The following PRKACB variants were observed in gnomAD, a reference collection of about 807,000 sequenced individuals.
PRKACB encodes cAMP-dependent protein kinase catalytic subunit beta.
PRKACB carries 16 observed loss-of-function variants against 51.4 expected under a neutral mutation model. That is an observed-to-expected ratio of 0.31 (90% CI 0.21 to 0.47). The LOEUF is 0.47. Among genes scored for constraint, PRKACB ranks in the 20% least tolerant of loss-of-function variants. The pLI is 1.00. For synonymous variants in PRKACB, 147 were observed against 154.4 expected, an observed-to-expected ratio of 0.95 and a Z score of 0.35; for missense variants, 309 against 464.5, an observed-to-expected ratio of 0.67 and a Z score of 3.08.
chr1:84,196,177 A>C (rs1668188702), intron 5 of PRKACB, among the ~76,000 whole-genome samples: 1 of 152,202 alleles, frequency 6.6e-6, no homozygotes, highest in African/African-American at 2.4e-5. Flanking sequence ...AATGCAGCTA[A>C]AGAGCTTCTA....
chr1:84,127,892 TTAAAG>T (rs1158946970), intron 1 of PRKACB, among the ~76,000 whole-genome samples: 4 of 152,174 alleles, frequency 2.6e-5, no homozygotes, highest in Admixed American at 2.0e-4. Context: ...AATTTTTTGT[TTAAAG>T]TAAGCCAATT....
intron 1 of PRKACB, among the ~76,000 whole-genome samples, chr1:84,156,023 A>T (rs143000582): frequency 6.6e-6 from 1 of 152,000 alleles, no homozygotes; most frequent in Non-Finnish European, 1.5e-5. Flanking sequence ...GGGTCTTGCT[A>T]TGTTGCCCAG....
chr1:84,210,871 T>C (rs918961678), intron 8 of PRKACB, among the ~76,000 whole-genome samples: 1 of 152,162 alleles, frequency 6.6e-6, no homozygotes, highest in Non-Finnish European at 1.5e-5. Context: ...ACAAGGAAAT[T>C]ACATTTCAGG....
At chr1:84,190,540 C>A (rs181866539) in intron 5 of PRKACB, among the ~76,000 whole-genome samples, 12 of 151,640 alleles carry the variant, frequency 7.9e-5, no homozygotes, top group Admixed American at 7.9e-4. Flanking sequence ...TCAGAAGATA[C>A]ACGTTTATTA....
intron 9 of PRKACB, among the ~76,000 whole-genome samples, chr1:84,226,782 T>G (rs973333341): frequency 6.6e-6 from 1 of 152,186 alleles, no homozygotes; most frequent in African/African-American, 2.4e-5. Context: ...CTTGTCTTGT[T>G]CCTGCTTTGA....
At chr1:84,212,299 C>A (rs1278957936) in intron 8 of PRKACB, among the ~76,000 whole-genome samples, 2 of 148,578 alleles carry the variant, frequency 1.3e-5, no homozygotes, top group Non-Finnish European at 2.9e-5. Context: ...TTTTGTCTCC[C>A]AGTTTATTCT....
chr1:84,136,490 C>CCACACACACACACACACACACACA (rs60681226), intron 1 of PRKACB, among the ~76,000 whole-genome samples: 6 of 146,650 alleles, frequency 4.1e-5, no homozygotes, highest in Non-Finnish European at 3.0e-5. Flanking sequence ...ACGGCCAAAA[C>CCACACACACACACACACACACACA]CACACACACA....
chr1:84,085,008 C>T (rs923934971), intron 1 of PRKACB, among the ~76,000 whole-genome samples: 11 of 152,184 alleles, frequency 7.2e-5, no homozygotes, highest in African/African-American at 1.7e-4. Context: ...ACTATAACAT[C>T]TGGCATAACT....
chr1:84,087,585 CAG>C (rs1342697541), intron 1 of PRKACB, among the ~76,000 whole-genome samples: 2 of 151,962 alleles, frequency 1.3e-5, no homozygotes, highest in Non-Finnish European at 2.9e-5. Flanking sequence ...TATTTTGAAA[CAG>C]AGTTTTACTG....
intron 1 of PRKACB, chr1:84,078,464 G>T (rs894975340): frequency 8.2e-6 from 12 of 1,470,504 alleles, no homozygotes; most frequent in Non-Finnish European, 1.0e-5. Context: ...CCGCGGGCAC[G>T]GGCCAGGCCT....
At chr1:84,133,940 C>T (rs899375342) in intron 1 of PRKACB, among the ~76,000 whole-genome samples, 3 of 152,050 alleles carry the variant, frequency 2.0e-5, no homozygotes, top group Non-Finnish European at 2.9e-5. Flanking sequence ...TCTTGTCCTG[C>T]GTACAGGAAA....
At chr1:84,213,079 C>T (rs1459214649) in intron 8 of PRKACB, among the ~76,000 whole-genome samples, 1 of 152,110 alleles carries the variant, frequency 6.6e-6, no homozygotes, top group African/African-American at 2.4e-5. Flanking sequence ...TGGGGATGCG[C>T]CTCTTAACCC....
At chr1:84,098,895 G>A (rs571526546) in intron 1 of PRKACB, among the ~76,000 whole-genome samples, 2 of 152,024 alleles carry the variant, frequency 1.3e-5, no homozygotes, top group East Asian at 1.9e-4. Flanking sequence ...AATATTTGGG[G>A]TATCAAGGAT....
intron 1 of PRKACB, among the ~76,000 whole-genome samples, chr1:84,097,122 A>G (rs72711192): frequency 0.38 from 56,948 of 151,702 alleles, 12,085 homozygotes; most frequent in Non-Finnish European, 0.49. Flanking sequence ...TACACAATTT[A>G]TTTTTTCTTT....
In PRKACB at chr1:84,097,372, C is replaced by T. The variant is rs571559075; in HGVS notation, c.46+19001C>T. Among the ~76,000 whole-genome samples, 3 of 152,108 alleles carry T rather than the reference C, an allele frequency of 2.0e-5. No individual in the cohort carries two copies. The South Asian group carries it at 6.2e-4, about 32-fold the overall frequency. On this transcript the variant is annotated intron_variant, in intron 1 of 8. Transcript: ENST00000370688. ...TCGAAAGAGGTTATACCAATTTGCACTCACAGTAGCAGTGTAGGAGAGTTT... is the reference window on the plus strand; with the variant it reads ...TCGAAAGAGGTTATACCAATTTGCATTCACAGTAGCAGTGTAGGAGAGTTT...
intron 1 of PRKACB, chr1:84,173,432 C>T: frequency 8.3e-7 from 1 of 1,201,020 alleles, no homozygotes; most frequent in South Asian, 1.4e-5. Flanking sequence ...TATTTTGTGG[C>T]AATTAGAATA....
intron 5 of PRKACB, among the ~76,000 whole-genome samples, chr1:84,194,021 G>C (rs116526185): frequency 1.3e-5 from 2 of 152,152 alleles, no homozygotes; most frequent in South Asian, 4.2e-4. Context: ...ACTATGCACA[G>C]GGCAACTAAT....
chr1:84,194,116 T>A (rs1443400196), intron 5 of PRKACB, among the ~76,000 whole-genome samples: 1 of 152,150 alleles, frequency 6.6e-6, no homozygotes. Context: ...GTCCTCTCTC[T>A]CCTACTGCCC....
At chr1:84,214,718 C>G (rs935226483) in intron 9 of PRKACB, among the ~76,000 whole-genome samples, 2 of 152,082 alleles carry the variant, frequency 1.3e-5, no homozygotes, top group Non-Finnish European at 2.9e-5. Flanking sequence ...TGGTCTTGAA[C>G]TCCTGACCTC....
Sources: allele counts gnomAD v4.1 joint callset (sites outside exome capture counted in the v4.1 genomes callset), GRCh38; gene constraint gnomAD v4.1.1; transcripts MANE v1.5; gene names NCBI Gene and HGNC (gene_info 2026-07-23, HGNC 2026-07-21).